The following VPS41 variants were observed in gnomAD, a reference collection of about 807,000 sequenced individuals.
VPS41 encodes the protein vacuolar protein sorting-associated protein 41 homolog.
Under a neutral mutation model 130.9 loss-of-function variants are expected in VPS41, and 85 were observed. The observed-to-expected ratio is 0.65, with a 90% CI of 0.55 to 0.78. VPS41 has a LOEUF of 0.78. Ranked by LOEUF, VPS41 falls within the 30% of genes least tolerant of loss-of-function variation. VPS41 has a pLI of 0.00. For missense variants in VPS41, 874 were observed against 1,018.7 expected, an observed-to-expected ratio of 0.86 and a Z score of 1.93; for synonymous variants, 335 against 332.9, an observed-to-expected ratio of 1.01 and a Z score of -0.07.
intron 10 of VPS41, among the ~76,000 whole-genome samples, chr7:38,778,712 C>T (rs1329279497): frequency 1.3e-5 from 2 of 152,178 alleles, no homozygotes; most frequent in Admixed American, 6.5e-5. Flanking sequence ...CTTTGCTGTG[C>T]TTGTCTGCCA....
chr7:38,897,795 A>G (rs550358312), intron 2 of VPS41, among the ~76,000 whole-genome samples: 5 of 152,358 alleles, frequency 3.3e-5, no homozygotes, highest in East Asian at 1.9e-4. Flanking sequence ...GGGGGATGTT[A>G]AAGTGTTGAG....
intron 7 of VPS41, among the ~76,000 whole-genome samples, chr7:38,810,706 G>T (rs769709179): frequency 2.6e-5 from 4 of 152,094 alleles, no homozygotes; most frequent in Non-Finnish European, 4.4e-5. Context: ...GCTAGTCTTT[G>T]CTCCAATTTT....
At position 38,867,118 on chromosome 7, in the gene VPS41, T is replaced by C. The variant is rs75727356; in HGVS notation, c.168+2028A>G. The stretch of plus-strand genomic sequence containing the variant: ...AAATACACCAAAATAGGCAAATCTA[T>C]ATAGATACGAGGTAGATTTCTGGTT... On this transcript the variant is annotated intron_variant, in intron 3 of 28. Coordinates refer to ENST00000310301, the MANE Select transcript of VPS41 (RefSeq NM_014396.4). 4.2e-4 allele frequency among the ~76,000 whole-genome samples: 64 copies of C among 152,308 alleles called. No homozygotes were observed. In the East Asian group the frequency reaches 0.012, roughly 29 times the overall value.
intron 7 of VPS41, among the ~76,000 whole-genome samples, chr7:38,816,918 A>AT (rs964189836): frequency 2.0e-5 from 3 of 151,816 alleles, no homozygotes; most frequent in African/African-American, 7.3e-5. Context: ...TAATTTCTTC[A>AT]TTTTTTTGTA....
chr7:38,901,348 A>T (rs1305873562), intron 1 of VPS41, among the ~76,000 whole-genome samples: 2 of 152,200 alleles, frequency 1.3e-5, no homozygotes, highest in Non-Finnish European at 2.9e-5. Context: ...TTATAAAGAA[A>T]AGAGCGTTAT....
chr7:38,783,821 T>C (rs1167454855), intron 10 of VPS41, among the ~76,000 whole-genome samples: 2 of 152,190 alleles, frequency 1.3e-5, no homozygotes, highest in Non-Finnish European at 2.9e-5. Context: ...TAAAAAACCA[T>C]CCTCCAATAA....
intron 1 of VPS41, among the ~76,000 whole-genome samples, chr7:38,899,480 C>T (rs552524942): frequency 1.3e-5 from 2 of 152,356 alleles, no homozygotes; most frequent in East Asian, 3.9e-4. Context: ...CTCCTCTGCA[C>T]TCACCATCAC....
intron 4 of VPS41, chr7:38,831,285 C>T (rs909249296): frequency 6.4e-6 from 3 of 469,762 alleles, no homozygotes; most frequent in Admixed American, 2.4e-5. Flanking sequence ...GTGTGTGCAG[C>T]CTAGGTTTCC....
intron 7 of VPS41, among the ~76,000 whole-genome samples, chr7:38,816,596 T>C (rs78247598): frequency 0.033 from 5,056 of 152,178 alleles, 298 homozygotes; most frequent in African/African-American, 0.11. Context: ...GCATTTAGTA[T>C]AAAAACAGTC....
At chr7:38,859,904 G>A (rs1042341411) in intron 4 of VPS41, among the ~76,000 whole-genome samples, 3 of 152,164 alleles carry the variant, frequency 2.0e-5, no homozygotes, top group South Asian at 4.1e-4. Context: ...TTAACATAAA[G>A]CTATATCTAG....
chr7:38,731,373 C>A (rs1052863798), intron 25 of VPS41, among the ~76,000 whole-genome samples: 2 of 152,148 alleles, frequency 1.3e-5, no homozygotes, highest in Admixed American at 6.5e-5. Context: ...ATCAGTGACT[C>A]ATGAAAAATG....
At chr7:38,832,564 G>T (rs1046378521) in intron 4 of VPS41, among the ~76,000 whole-genome samples, 1 of 151,976 alleles carries the variant, frequency 6.6e-6, no homozygotes, top group East Asian at 1.9e-4. Context: ...TTTAATTATA[G>T]AGGGTGTACA....
chr7:38,797,768 G>T lies in VPS41; in HGVS notation c.451-904C>A, dbSNP rs573825878. 1.2e-4 allele frequency among the ~76,000 whole-genome samples: 19 copies of T among 152,266 alleles called. No homozygotes were observed. In the South Asian group the frequency reaches 2.9e-3, roughly 23 times the overall value. ...TCTACCCACCCCAAAAGAGGCAGGG[G>T]AAACAGGTTAACAGGGGAAAGAGAG... On this transcript the variant is annotated intron_variant, in intron 7 of 28. Transcript: ENST00000310301.
intron 25 of VPS41, among the ~76,000 whole-genome samples, chr7:38,730,899 G>A (rs1293282616): frequency 6.6e-6 from 1 of 152,060 alleles, no homozygotes; most frequent in African/African-American, 2.4e-5. Flanking sequence ...GTGTCTACAA[G>A]CTAAAAAAGA....
chr7:38,789,368 C>G (rs1262124538), intron 10 of VPS41, among the ~76,000 whole-genome samples: 1 of 152,086 alleles, frequency 6.6e-6, no homozygotes, highest in Non-Finnish European at 1.5e-5. Flanking sequence ...TCAGGGAGGT[C>G]CAGTGGCTTT....
chr7:38,825,890 C>A (rs541978548), intron 5 of VPS41, among the ~76,000 whole-genome samples: 5 of 152,328 alleles, frequency 3.3e-5, no homozygotes, highest in Non-Finnish European at 2.9e-5. Context: ...TGGGCAACAG[C>A]CCTGATGCAG....
At position 38,725,958 on chromosome 7, in the gene VPS41, C is replaced by A. The variant is rs543488898; in HGVS notation, c.*288G>T. On this transcript the variant is annotated 3_prime_UTR_variant, in exon 29 of 29. Transcript: ENST00000310301. The stretch of plus-strand genomic sequence containing the variant: ...TTACTAAGGTCTAAAAAATTCATTT[C>A]TAACTCCTAGACTTATGTTTCCATT... 8.1e-4 allele frequency: 206 copies of A among 254,708 alleles called. 1 individual carries two copies. Among genetic ancestry groups the A allele is most frequent in the Non-Finnish European group, 1.3e-3 (170 of 135,332 alleles). The allele number at this position is 254,708 out of a possible 1,614,324, so 15.8% of individuals were successfully genotyped here.
intron 5 of VPS41, among the ~76,000 whole-genome samples, chr7:38,821,592 C>T (rs954559826): frequency 1.3e-5 from 2 of 151,192 alleles, no homozygotes; most frequent in African/African-American, 4.9e-5. Context: ...ATCTGTAGTC[C>T]CAGCTACTCA....
chr7:38,742,186 T>C (rs1795895903), intron 24 of VPS41, 65 bp from the exon 25 acceptor site: 1 of 1,439,242 alleles, frequency 6.9e-7, no homozygotes, highest in Non-Finnish European at 9.4e-7. Flanking sequence ...TATTTGCACA[T>C]AATTTGCATA....
Sources: gnomAD v4.1 joint callset for allele counts (sites outside exome capture counted in the v4.1 genomes callset) on GRCh38, gnomAD v4.1.1 for gene constraint, MANE v1.5 for transcripts, NCBI Gene and HGNC (gene_info 2026-07-23, HGNC 2026-07-21) for gene names.